ATRX: variants seen among roughly 807,000 people sequenced by gnomAD.
The protein encoded by ATRX is chromatin remodeler ATRX.
In ATRX, 12 loss-of-function variants were observed where a neutral mutation model predicts 172.6. That is an observed-to-expected ratio of 0.07 (90% CI 0.04 to 0.11). ATRX has a LOEUF of 0.11. Among genes scored for constraint, ATRX ranks in the 10% least tolerant of loss-of-function variants. The pLI is 1.00. For missense variants in ATRX, 1,368 were observed against 1,767.4 expected, an observed-to-expected ratio of 0.77 and a Z score of 4.05; for synonymous variants, 674 against 594.7, an observed-to-expected ratio of 1.13 and a Z score of -1.94.
At chrX:77,704,500 G>A (rs1276395187) in intron 2 of ATRX, among the ~76,000 whole-genome samples, 1 of 111,902 alleles carries the variant, frequency 8.9e-6, no homozygotes, top group African/African-American at 3.2e-5. Context: ...GCCTGAAGGT[G>A]GGTCCTCACC....
intron 16 of ATRX, 44 bp from the exon 17 acceptor site, chrX:77,634,747 T>A (rs1557107244): frequency 9.2e-7 from 1 of 1,090,516 alleles, no homozygotes; most frequent in Non-Finnish European, 1.3e-6. Flanking sequence ...AGGTCCAAGT[T>A]AAAAACTTCC....
chrX:77,703,880 G>A (rs1557155370), intron 2 of ATRX, among the ~76,000 whole-genome samples: 1 of 111,251 alleles, frequency 9.0e-6, no homozygotes, highest in African/African-American at 3.3e-5. Context: ...AGCAGAGAGG[G>A]TGGTTCTTCT....
At chrX:77,593,491 A>C (rs1367839847) in intron 26 of ATRX, among the ~76,000 whole-genome samples, 3 of 111,650 alleles carry the variant, frequency 2.7e-5, no homozygotes, top group African/African-American at 9.8e-5. Flanking sequence ...AGAAATTTAC[A>C]CTGAAGAAAT....
intron 25 of ATRX, chrX:77,594,843 T>G (rs1425439289): frequency 8.9e-6 from 1 of 111,838 alleles, no homozygotes; most frequent in Non-Finnish European, 1.9e-5. Context: ...GTTTGTAAAA[T>G]CCTACAAATT....
chrX:77,673,756 T>G (rs1413053431), intron 10 of ATRX, among the ~76,000 whole-genome samples: 1 of 111,132 alleles, frequency 9.0e-6, no homozygotes, highest in African/African-American at 3.3e-5. Flanking sequence ...AAATAGTAGT[T>G]AAATCTGTTG....
At chrX:77,747,423 C>T (rs782232889) in intron 1 of ATRX, among the ~76,000 whole-genome samples, 1 of 110,337 alleles carries the variant, frequency 9.1e-6, no homozygotes, top group Admixed American at 9.7e-5. Flanking sequence ...ACTTGGGAGG[C>T]TGAGGCATAA....
At chrX:77,635,893 G>T (rs782809729) in intron 16 of ATRX, 22 bp downstream of exon 16, 1 of 1,179,235 alleles carries the variant, frequency 8.5e-7, no homozygotes, top group South Asian at 1.8e-5. Context: ...AAAAATTATT[G>T]AATCATCTAA....
chrX:77,661,332 T>C (rs1470406627), intron 12 of ATRX, among the ~76,000 whole-genome samples: 1 of 111,598 alleles, frequency 9.0e-6, no homozygotes, highest in Non-Finnish European at 1.9e-5. Context: ...GTGAGTTATA[T>C]CTCAATATAG....
rs1557034366 is a variant in ATRX at position 77,508,054 on chromosome X, T to TAGAG, written c.*293_*296dup. On this transcript the variant is annotated 3_prime_UTR_variant, in exon 35 of 35. Coordinates refer to ENST00000373344, the MANE Select transcript of ATRX (RefSeq NM_000489.6). ...GTTGCTAAAAGCAGGCATAAAAATT[T>TAGAG]AGAGAGGAAATCTGTGGAGTTGTTA... The TAGAG allele has an allele frequency of 4.4e-6, 1 of 226,926 alleles. No homozygotes were observed. 18.7% of individuals were successfully genotyped at this position (226,926 alleles called of 1,213,427 possible).
At chrX:77,731,537 G>A (rs2074297273) in intron 1 of ATRX, among the ~76,000 whole-genome samples, 1 of 111,601 alleles carries the variant, frequency 9.0e-6, no homozygotes, top group South Asian at 3.7e-4. Flanking sequence ...TTCTATTCCT[G>A]TTTGTCCGCT....
chrX:77,564,271 T>C (rs5959975), intron 28 of ATRX, among the ~76,000 whole-genome samples: 57,286 of 110,662 alleles, frequency 0.52, 12,911 homozygotes, highest in Non-Finnish European at 0.69. Flanking sequence ...ATCTTGTATA[T>C]ATACAAGGAA....
Position 77,683,451 on chromosome X carries a change from C to T in ATRX, c.1805G>A (p.Gly602Asp). 1.7e-6 allele frequency: 2 copies of T among 1,209,993 alleles called. No homozygotes were observed. Among genetic ancestry groups the T allele is most frequent in the South Asian group, 3.5e-5 (2 of 56,936 alleles). Residue 602 changes from glycine to aspartate, a missense_variant, in exon 9 of 35, where the codon GGT becomes GAT. Gly to Asp is a moderately conservative substitution (Grantham distance 94). Transcript: ENST00000373344. ...TTGTGGAACTTCCTGACAATCAGCA[C>T]CTTTAATTGGGGAATTAGAAAGGGA... ...PVSLSNSPIKGADCQEVPQDK... is the reference protein window; with the variant it reads ...PVSLSNSPIKDADCQEVPQDK...
intron 1 of ATRX, among the ~76,000 whole-genome samples, chrX:77,740,648 T>TA (rs1167422528): frequency 7.7e-5 from 8 of 104,324 alleles, no homozygotes; most frequent in African/African-American, 1.4e-4. Flanking sequence ...CAGGACCAAT[T>TA]AAAAAAAAAA....
At chrX:77,703,905 A>G (rs1468026541) in intron 2 of ATRX, among the ~76,000 whole-genome samples, 1 of 110,551 alleles carries the variant, frequency 9.0e-6, no homozygotes, top group Non-Finnish European at 1.9e-5. Flanking sequence ...TAGGCAAGTC[A>G]TTACTACAAG....
rs2064852020 is a variant in ATRX, at chrX:77,557,628, C to T, written c.6522G>A (p.Lys2174=). 1 of 1,205,051 alleles carries T rather than the reference C, an allele frequency of 8.3e-7. No individual in the cohort carries two copies. Among genetic ancestry groups the T allele is most frequent in the Middle Eastern group, 2.3e-4 (1 of 4,320 alleles). ...GCTTAGTTACTTGCCGATCATAAAT[C>T]TTATCTTCCATGGTTCCCTTTGTAA... ...RFLAQGTMED[K]IYDRQVTKQS... The change falls in exon 30 of 35, where the codon AAG becomes AAA. Residue 2174 remains lysine (K), a synonymous_variant. Transcript: ENST00000373344.
chrX:77,755,121 C>T (rs1429764492), intron 1 of ATRX, among the ~76,000 whole-genome samples: 1 of 112,466 alleles, frequency 8.9e-6, no homozygotes, highest in African/African-American at 3.2e-5. Context: ...TCCGCTTCAG[C>T]GATTTGACTA....
intron 33 of ATRX, 104 bp downstream of exon 33, chrX:77,521,299 A>G: frequency 4.6e-6 from 3 of 649,912 alleles, no homozygotes; most frequent in Non-Finnish European, 7.4e-6. Context: ...TTACTATTGC[A>G]AATCAATTTA....
intron 10 of ATRX, among the ~76,000 whole-genome samples, chrX:77,673,751 G>A (rs2070737330): frequency 9.0e-6 from 1 of 110,853 alleles, no homozygotes; most frequent in South Asian, 3.7e-4. Flanking sequence ...AAAGTAAATA[G>A]TAGTTAAATC....
At chrX:77,673,319 A>C (rs2148531860) in intron 10 of ATRX, among the ~76,000 whole-genome samples, 1 of 111,298 alleles carries the variant, frequency 9.0e-6, no homozygotes, top group African/African-American at 3.2e-5. Flanking sequence ...ACCCTACCCT[A>C]ATGGCACTTT....
Sources: allele counts gnomAD v4.1 joint callset (sites outside exome capture counted in the v4.1 genomes callset), GRCh38; gene constraint gnomAD v4.1.1; transcripts MANE v1.5; gene names NCBI Gene and HGNC (gene_info 2026-07-23, HGNC 2026-07-21).